The following KIF16B variants were observed in gnomAD, a reference collection of about 807,000 sequenced individuals.
KIF16B encodes the protein kinesin family member 16B, also known as kinesin-like protein KIF16B.
Under a neutral mutation model 156.3 loss-of-function variants are expected in KIF16B, and 98 were observed. The ratio of observed to expected loss-of-function variants is 0.63; its 90% CI spans 0.53 to 0.74. The LOEUF (loss-of-function observed/expected upper bound fraction) is 0.74. KIF16B is among the 30% of genes least tolerant of loss of function. The pLI is 0.00. For synonymous variants in KIF16B, 564 were observed against 583.7 expected (o/e 0.97, Z 0.49); for missense variants, 1,421 against 1,606.5 (o/e 0.88, Z 1.97).
intron 12 of KIF16B, among the ~76,000 whole-genome samples, chr20:16,483,427 T>C (rs2068033549): frequency 1.3e-5 from 2 of 152,220 alleles, no homozygotes; most frequent in Admixed American, 6.5e-5. Context: ...TAAAACTACA[T>C]ACCTTAAAAA....
chr20:16,376,182 G>A (rs1179633628), intron 19 of KIF16B, among the ~76,000 whole-genome samples: 1 of 152,156 alleles, frequency 6.6e-6, no homozygotes, highest in African/African-American at 2.4e-5. Flanking sequence ...CATTGTTAAA[G>A]GACTCTGACA....
chr20:16,524,268 C>A (rs1291615796), intron 3 of KIF16B, among the ~76,000 whole-genome samples: 8 of 152,144 alleles, frequency 5.3e-5, no homozygotes, highest in African/African-American at 1.9e-4. Flanking sequence ...TTTTTGCAAT[C>A]TATCCATCTG....
intron 1 of KIF16B, among the ~76,000 whole-genome samples, chr20:16,563,475 G>A (rs1306727827): frequency 6.6e-6 from 1 of 152,164 alleles, no homozygotes; most frequent in Non-Finnish European, 1.5e-5. Context: ...ACAAGCTTCA[G>A]TAAGATGGCA....
intron 23 of KIF16B, 148 bp downstream of exon 23, chr20:16,356,182 C>T: frequency 1.1e-6 from 1 of 928,880 alleles, no homozygotes; most frequent in South Asian, 1.5e-5. Context: ...AAGAGTTTTA[C>T]AGACTGGTTT....
chr20:16,549,485 A>G (rs13045607), intron 1 of KIF16B, among the ~76,000 whole-genome samples: 104 of 151,522 alleles, frequency 6.9e-4, no homozygotes, highest in African/African-American at 2.2e-3. Context: ...ATTGTGAATA[A>G]TGCCGCAATA....
intron 12 of KIF16B, among the ~76,000 whole-genome samples, chr20:16,446,408 T>A (rs1208646999): frequency 4.6e-5 from 7 of 152,202 alleles, no homozygotes; most frequent in Non-Finnish European, 1.5e-5. Flanking sequence ...AGACATTTTT[T>A]AAATGTCACT....
chr20:16,542,165 G>C (rs994213695), intron 1 of KIF16B, among the ~76,000 whole-genome samples: 1 of 152,130 alleles, frequency 6.6e-6, no homozygotes, highest in Admixed American at 6.5e-5. Context: ...TTTTTCAGCT[G>C]AAAGGAGAAT....
At chr20:16,287,893 A>G (rs2122434006) in intron 25 of KIF16B, among the ~76,000 whole-genome samples, 1 of 152,330 alleles carries the variant, frequency 6.6e-6, no homozygotes, top group Admixed American at 6.5e-5. Context: ...GAGGACATGT[A>G]AGGAAGGAGG....
At position 16,383,207 on chromosome 20, in the gene KIF16B, C is replaced by A. The variant is rs114723212; in HGVS notation, c.1785-1460G>T. On this transcript the variant is annotated intron_variant, in intron 17 of 25. Transcript: ENST00000354981. ...GCTGTGTGGCATGATTTACACATAA[C>A]CTCCCTCTGTCCACCCAGCAAATTC... 6.5e-3 allele frequency among the ~76,000 whole-genome samples: 990 copies of A among 152,174 alleles called. 8 individuals are homozygous for A. The highest frequency in any genetic ancestry group is 0.026 in the East Asian group (132 of 5,174).
chr20:16,538,943 T>C (rs2070086731), intron 1 of KIF16B, among the ~76,000 whole-genome samples: 1 of 152,084 alleles, frequency 6.6e-6, no homozygotes, highest in Non-Finnish European at 1.5e-5. Flanking sequence ...ATTCTCACTA[T>C]GTGATGTGCC....
chr20:16,371,927 G>C (rs1401137702), intron 20 of KIF16B, among the ~76,000 whole-genome samples, 166 bp from the exon 21 acceptor site: 1 of 152,070 alleles, frequency 6.6e-6, no homozygotes, highest in Non-Finnish European at 1.5e-5. Context: ...CAAGAAATCT[G>C]GTGCTACATG....
At position 16,380,081 on chromosome 20, in the gene KIF16B, G is replaced by A; in HGVS notation, c.1921C>T (p.Arg641Cys). ...AGCTGCACGATTTCTGTCTCCTTGCGCTGGGTCTCCACCTCCTGCTGCATC... is the reference window on the plus strand; with the variant it reads ...AGCTGCACGATTTCTGTCTCCTTGCACTGGGTCTCCACCTCCTGCTGCATC... The part of the protein sequence containing the change: ...ERMQQEVETQ[R>C]KETEIVQLQI... The change falls in exon 19 of 26, where the codon CGC becomes TGC. Residue 641 changes from arginine (R) to cysteine (C), a missense_variant. Coordinates refer to ENST00000354981, the MANE Select transcript of KIF16B (RefSeq NM_024704.5). 9.1e-6 allele frequency: 14 copies of A among 1,541,656 alleles called. No homozygotes were observed. The highest frequency in any genetic ancestry group is 2.3e-5 in the East Asian group (1 of 44,422).
chr20:16,540,216 C>T (rs774864400), intron 1 of KIF16B, among the ~76,000 whole-genome samples: 4 of 152,046 alleles, frequency 2.6e-5, no homozygotes, highest in South Asian at 2.1e-4. Flanking sequence ...AAATAATATG[C>T]GCGTCTATGA....
intron 12 of KIF16B, among the ~76,000 whole-genome samples, chr20:16,442,354 A>G (rs550129663): frequency 0.089 from 8,383 of 94,176 alleles, 799 homozygotes; most frequent in African/African-American, 0.28. Context: ...GTGTGTATAT[A>G]TATATATATA....
At chr20:16,423,789 C>T (rs1046559889) in intron 15 of KIF16B, among the ~76,000 whole-genome samples, 1 of 152,080 alleles carries the variant, frequency 6.6e-6, no homozygotes. Context: ...GAGGTTCCCA[C>T]AGAGAACAGA....
intron 12 of KIF16B, among the ~76,000 whole-genome samples, chr20:16,434,377 A>G (rs369820737): frequency 1.3e-5 from 2 of 152,240 alleles, no homozygotes; most frequent in African/African-American, 4.8e-5. Flanking sequence ...TATGAGAGTA[A>G]GCAGGGAGTC....
Position 16,551,194 on chromosome 20 carries a change from C to T in KIF16B, c.47+22035G>A, listed in dbSNP as rs139985808. ...TTGCCTAGGCTGGAGTGCAATGGCACGATCTCAGCTCACTGCAACCTCCGC... is the reference window on the plus strand; with the variant it reads ...TTGCCTAGGCTGGAGTGCAATGGCATGATCTCAGCTCACTGCAACCTCCGC... On this transcript the variant is annotated intron_variant, in intron 1 of 25. Transcript: ENST00000354981. 4.1e-3 allele frequency among the ~76,000 whole-genome samples: 619 copies of T among 149,810 alleles called. 8 individuals carry two copies. The highest frequency in any genetic ancestry group is 0.014 in the African/African-American group (586 of 40,756).
At chr20:16,350,707 G>A (rs1217876754) in intron 23 of KIF16B, among the ~76,000 whole-genome samples, 1 of 152,020 alleles carries the variant, frequency 6.6e-6, no homozygotes, top group East Asian at 1.9e-4. Context: ...CCATCAGTGC[G>A]GATGGAGCAT....
rs1266521796 is a variant in KIF16B, at chr20:16,379,955, T to G, written c.2047A>C (p.Arg683=). Residue 683 remains arginine (R), a synonymous_variant, in exon 19 of 26, where the codon AGG becomes CGG. Coordinates refer to ENST00000354981, the MANE Select transcript of KIF16B (RefSeq NM_024704.5). ...LAEKEKFEEE[R]LREQQEIELQ... ...TCGATTTCCTGCTGTTCCCTCAGCC[T>G]CTCCTCTTCAAATTTTTCCTTCTCC... The G allele has an allele frequency of 3.1e-6, 5 of 1,612,948 alleles. No individual in the cohort carries two copies. The highest frequency in any genetic ancestry group is 4.2e-6 in the Non-Finnish European group (5 of 1,179,772).
Sources: gnomAD v4.1 joint callset for allele counts (sites outside exome capture counted in the v4.1 genomes callset) on GRCh38, gnomAD v4.1.1 for gene constraint, MANE v1.5 for transcripts, NCBI Gene and HGNC (gene_info 2026-07-23, HGNC 2026-07-21) for gene names.